PAM: variants seen among roughly 807,000 people sequenced by gnomAD.
The protein encoded by PAM is peptidylglycine alpha-amidating monooxygenase, also known as peptidyl-glycine alpha-amidating monooxygenase.
PAM carries 72 observed loss-of-function variants against 122.1 expected under a neutral mutation model. The ratio of observed to expected loss-of-function variants is 0.59; its 90% CI spans 0.49 to 0.72. The LOEUF (loss-of-function observed/expected upper bound fraction) is 0.72, where lower values mean the gene tolerates loss of function less well. PAM is among the 30% of genes least tolerant of loss of function. The pLI is 0.00. For synonymous variants in PAM, 389 were observed against 404.4 expected, an observed-to-expected ratio of 0.96 and a Z score of 0.46; for missense variants, 1,106 against 1,183.7, an observed-to-expected ratio of 0.93 and a Z score of 0.96.
chr5:102,876,974 G>A (rs1789429818), intron 3 of PAM, among the ~76,000 whole-genome samples: 1 of 152,204 alleles, frequency 6.6e-6, no homozygotes, highest in Non-Finnish European at 1.5e-5. Context: ...AAGCCAAGGT[G>A]AAGGCCTAGT....
Position 102,847,371 on chromosome 5 carries a change from G to T in PAM, c.-373-18452G>T, listed in dbSNP as rs547608118. Among the ~76,000 whole-genome samples, 135 of 152,118 alleles carry T rather than the reference G, an allele frequency of 8.9e-4. 1 individual carries two copies. Among genetic ancestry groups the T allele is most frequent in the Non-Finnish European group, 1.6e-3 (112 of 68,026 alleles). On this transcript the variant is annotated intron_variant, in intron 1 of 25. Transcript: ENST00000438793. Reference sequence around the variant, plus strand: ...GAAGAATCTCTTGAACCCGGTGGGTGGAGGTTGCAGTGAGCTGAGATCATG... The same window carrying T: ...GAAGAATCTCTTGAACCCGGTGGGTTGAGGTTGCAGTGAGCTGAGATCATG...
chr5:102,890,122 T>C (rs1276362253), intron 3 of PAM, among the ~76,000 whole-genome samples: 1 of 151,990 alleles, frequency 6.6e-6, no homozygotes, highest in Admixed American at 6.6e-5. Flanking sequence ...ATTGCATCAC[T>C]AGAGTATCAT....
intron 15 of PAM, among the ~76,000 whole-genome samples, chr5:102,987,804 T>A (rs1304359980): frequency 6.6e-6 from 1 of 152,160 alleles, no homozygotes; most frequent in African/African-American, 2.4e-5. Context: ...CTTCTATACC[T>A]AGGATTATTT....
At chr5:102,812,720 C>G (rs775500995) in intron 1 of PAM, among the ~76,000 whole-genome samples, 2 of 151,874 alleles carry the variant, frequency 1.3e-5, no homozygotes, top group Non-Finnish European at 2.9e-5. Context: ...ATTGATTTGT[C>G]AATCAAAATA....
Position 102,866,115 on chromosome 5 carries a change from C to A in PAM, c.-81C>A. The A allele has an allele frequency of 1.1e-6, 1 of 880,698 alleles. No homozygotes were observed. The highest frequency in any genetic ancestry group is 1.8e-6 in the Non-Finnish European group (1 of 562,998). The allele number at this position is 880,698 out of a possible 1,614,324, so 54.6% of individuals were successfully genotyped here. A position where few individuals can be genotyped will look rare whatever the true frequency, so the allele number is the denominator to read the frequency against. On this transcript the variant is annotated 5_prime_UTR_variant, in exon 2 of 26. Transcript: ENST00000438793. Reference sequence around the variant, plus strand: ...CGGGCCATGAAGTAGCGGCTGCTGGCGGCGCCGCTGCCCAACCGCCAGCCC... The same window carrying A: ...CGGGCCATGAAGTAGCGGCTGCTGGAGGCGCCGCTGCCCAACCGCCAGCCC...
At chr5:102,922,974 AT>A (rs1386952664) in intron 5 of PAM, among the ~76,000 whole-genome samples, 27 of 152,294 alleles carry the variant, frequency 1.8e-4, no homozygotes, top group Admixed American at 9.2e-4. Flanking sequence ...CCAACGTACA[AT>A]TCTCACATGG....
intron 4 of PAM, among the ~76,000 whole-genome samples, chr5:102,913,709 T>C (rs1802210430): frequency 1.3e-5 from 2 of 152,060 alleles, no homozygotes; most frequent in Non-Finnish European, 2.9e-5. Flanking sequence ...TGTGTGTGTA[T>C]GTGGGTGTGA....
At chr5:102,984,334 G>A (rs572569189) in intron 15 of PAM, among the ~76,000 whole-genome samples, 32 of 152,216 alleles carry the variant, frequency 2.1e-4, no homozygotes, top group African/African-American at 5.5e-4. Context: ...TTTGCTGCTC[G>A]TAAAAACTCA....
intron 13 of PAM, among the ~76,000 whole-genome samples, chr5:102,960,288 A>AT (rs1227199052): frequency 6.6e-6 from 1 of 151,946 alleles, no homozygotes; most frequent in Non-Finnish European, 1.5e-5. Context: ...GATGAAACAG[A>AT]TTCATTTTGG....
chr5:102,972,905 A>G (rs1301916905), intron 14 of PAM, among the ~76,000 whole-genome samples: 1 of 152,206 alleles, frequency 6.6e-6, no homozygotes, highest in Non-Finnish European at 1.5e-5. Context: ...TGAAACATTA[A>G]ACCAAGACTA....
chr5:102,756,761 C>T lies in PAM; in HGVS notation c.-374+1413C>T, dbSNP rs1258579601. ...CCTCGGTGACAGAGCAAGACCCTGTCTCAAAAATAAATAATCAGCTTTAGA... is the reference window on the plus strand; with the variant it reads ...CCTCGGTGACAGAGCAAGACCCTGTTTCAAAAATAAATAATCAGCTTTAGA... On this transcript the variant is annotated intron_variant, in intron 1 of 25. Coordinates refer to ENST00000438793, the MANE Select transcript of PAM (RefSeq NM_001177306.2). Among the ~76,000 whole-genome samples the T allele has an allele frequency of 3.3e-5, 5 of 152,072 alleles. No homozygotes were observed. In the East Asian group the frequency reaches 7.8e-4, roughly 24 times the overall value.
intron 1 of PAM, among the ~76,000 whole-genome samples, chr5:102,825,068 T>C (rs1773181119): frequency 6.6e-6 from 1 of 152,216 alleles, no homozygotes; most frequent in African/African-American, 2.4e-5. Context: ...ACCTGAGCAC[T>C]AATGTTATGG....
chr5:102,982,441 A>G (rs1302075979), intron 15 of PAM, among the ~76,000 whole-genome samples: 1 of 152,122 alleles, frequency 6.6e-6, no homozygotes, highest in African/African-American at 2.4e-5. Flanking sequence ...TGGACCTGCT[A>G]CCACTGATAC....
At chr5:102,945,858 A>G (rs568296903) in intron 7 of PAM, among the ~76,000 whole-genome samples, 2 of 152,282 alleles carry the variant, frequency 1.3e-5, no homozygotes, top group Non-Finnish European at 2.9e-5. Flanking sequence ...TTTAACTGTC[A>G]AATGCTTTTA....
chr5:102,885,537 A>G (rs1480548878), intron 3 of PAM, among the ~76,000 whole-genome samples: 1 of 152,008 alleles, frequency 6.6e-6, no homozygotes, highest in African/African-American at 2.4e-5. Context: ...GCAAGTATTG[A>G]AGAGGTGACC....
intron 12 of PAM, among the ~76,000 whole-genome samples, chr5:102,954,478 G>A (rs1410401163): frequency 1.3e-5 from 2 of 151,390 alleles, no homozygotes; most frequent in African/African-American, 4.8e-5. Context: ...TATTTAATAT[G>A]AGATATATTA....
chr5:102,981,442 T>G (rs1450428000), intron 15 of PAM, among the ~76,000 whole-genome samples: 2 of 152,256 alleles, frequency 1.3e-5, no homozygotes, highest in Non-Finnish European at 2.9e-5. Context: ...TCATAGTATC[T>G]TCAGCATTCT....
At chr5:102,878,952 G>A (rs561305464) in intron 3 of PAM, among the ~76,000 whole-genome samples, 3 of 151,294 alleles carry the variant, frequency 2.0e-5, no homozygotes, top group African/African-American at 4.9e-5. Context: ...TTTTTGAGAC[G>A]GAGTCTCGCT....
intron 7 of PAM, among the ~76,000 whole-genome samples, chr5:102,926,869 C>T (rs1581777641): frequency 6.6e-6 from 1 of 152,192 alleles, no homozygotes; most frequent in Non-Finnish European, 1.5e-5. Context: ...TGCACCTGTG[C>T]ATCCTACTGT....
Sources: gnomAD v4.1 joint callset for allele counts (sites outside exome capture counted in the v4.1 genomes callset) on GRCh38, gnomAD v4.1.1 for gene constraint, MANE v1.5 for transcripts, NCBI Gene and HGNC (gene_info 2026-07-23, HGNC 2026-07-21) for gene names.